ZMYM2: variants seen among roughly 807,000 people sequenced by gnomAD.
ZMYM2 encodes zinc finger MYM-type containing 2, also known as zinc finger MYM-type protein 2.
A neutral mutation model predicts 162.8 loss-of-function variants in ZMYM2; 56 were observed. That is an observed-to-expected ratio of 0.34 (90% confidence interval 0.28 to 0.43). ZMYM2 has a LOEUF of 0.43. Among genes scored for constraint, ZMYM2 ranks in the 20% least tolerant of loss-of-function variants. The pLI is 1.00. For missense variants in ZMYM2, 1,275 were observed against 1,621.8 expected, an observed-to-expected ratio of 0.79 and a Z score of 3.67; for synonymous variants, 510 against 541.6, an observed-to-expected ratio of 0.94 and a Z score of 0.81.
In ZMYM2 at chr13:20,086,554, A is replaced by G. The variant is rs1189988511; in HGVS notation, c.*540A>G. ...TTTACATTTTAGTTACTGAAGCCTTACAAGGTTATGTAGAGAGATACCATC... is the reference window on the plus strand; with the variant it reads ...TTTACATTTTAGTTACTGAAGCCTTGCAAGGTTATGTAGAGAGATACCATC... On this transcript the variant is annotated 3_prime_UTR_variant, in exon 25 of 25. Transcript: ENST00000610343. 4.8e-6 allele frequency: 1 copy of G among 208,810 alleles called. No homozygotes were observed. The highest frequency in any genetic ancestry group is 9.8e-6 in the Non-Finnish European group (1 of 102,278). 12.9% of individuals were successfully genotyped at this position (208,810 alleles called of 1,614,324 possible). A position where few individuals can be genotyped will look rare whatever the true frequency, so the allele number is the denominator to read the frequency against.
chr13:20,020,565 C>T (rs1951996828), intron 7 of ZMYM2, among the ~76,000 whole-genome samples: 1 of 152,028 alleles, frequency 6.6e-6, no homozygotes, highest in African/African-American at 2.4e-5. Flanking sequence ...TTTCCCAACT[C>T]TCTTCTTCTG....
the ZMYM2 span, among the ~76,000 whole-genome samples, chr13:19,919,271 A>C: frequency 6.6e-6 from 1 of 152,118 alleles, no homozygotes; most frequent in African/African-American, 2.4e-5. Context: ...TTTTGTTTCC[A>C]GCTTTTGGCT....
At chr13:20,008,614 G>T (rs962250308) in intron 6 of ZMYM2, among the ~76,000 whole-genome samples, 3 of 152,200 alleles carry the variant, frequency 2.0e-5, no homozygotes, top group African/African-American at 4.8e-5. Flanking sequence ...AGCCATCCTT[G>T]TATTCCTAGA....
chr13:20,059,079 A>G (rs1006441712), intron 15 of ZMYM2, among the ~76,000 whole-genome samples: 4 of 152,088 alleles, frequency 2.6e-5, no homozygotes, highest in Non-Finnish European at 5.9e-5. Flanking sequence ...AATTGTTCAA[A>G]TATGTATTTT....
intron 2 of ZMYM2, among the ~76,000 whole-genome samples, chr13:19,976,798 GTTGT>G (rs1956836709): frequency 6.6e-6 from 1 of 152,146 alleles, no homozygotes; most frequent in Non-Finnish European, 1.5e-5. Context: ...AGTTTATAGT[GTTGT>G]TTAAGCCCCT....
intron 18 of ZMYM2, 69 bp downstream of exon 18, chr13:20,063,040 T>G: frequency 6.1e-6 from 9 of 1,473,566 alleles, no homozygotes; most frequent in Non-Finnish European, 8.2e-6. Flanking sequence ...ATTTACCATT[T>G]GATGTTTGTG....
chr13:19,931,138 C>CAAAAAA, the ZMYM2 span, among the ~76,000 whole-genome samples: 3 of 127,546 alleles, frequency 2.4e-5, no homozygotes, highest in African/African-American at 3.3e-5. Flanking sequence ...GACTCTCTCT[C>CAAAAAA]AAAAAAAAAA....
the ZMYM2 span, among the ~76,000 whole-genome samples, chr13:19,868,787 G>T: frequency 3.3e-5 from 5 of 152,112 alleles, no homozygotes; most frequent in Non-Finnish European, 7.4e-5. Context: ...ATCTTATTCT[G>T]TTGCCCAGGC....
intron 21 of ZMYM2, among the ~76,000 whole-genome samples, chr13:20,081,372 C>T (rs1957896317): frequency 6.6e-6 from 1 of 152,050 alleles, no homozygotes; most frequent in African/African-American, 2.4e-5. Context: ...CTCTTTAAGC[C>T]CCACTAATGT....
chr13:19,942,203 T>C, the ZMYM2 span, among the ~76,000 whole-genome samples: 1 of 152,118 alleles, frequency 6.6e-6, no homozygotes, highest in African/African-American at 2.4e-5. Context: ...CTTTATGGTC[T>C]AGAAAGTTAC....
the ZMYM2 span, among the ~76,000 whole-genome samples, chr13:19,905,612 C>T: frequency 6.6e-6 from 1 of 152,152 alleles, no homozygotes; most frequent in Non-Finnish European, 1.5e-5. Flanking sequence ...TCTCACTAGC[C>T]AACCCTAAAC....
rs781695873 is a variant in ZMYM2, at chr13:20,064,472, A to T, written c.3059A>T (p.Glu1020Val). 20 of 1,599,724 alleles carry T rather than the reference A, an allele frequency of 1.3e-5. No individual in the cohort carries two copies. The highest frequency in any genetic ancestry group is 1.7e-5 in the Non-Finnish European group (20 of 1,172,956). ...FPRAAEELDM[E>V]NEFLLPPVFG... The stretch of plus-strand genomic sequence containing the variant: ...TCAGCTGCTGAGGAGCTTGATATGG[A>T]AAATGAATTTTTATTACCACCTGTT... The change falls in exon 19 of 25, where the codon GAA becomes GTA. Residue 1020 changes from glutamate to valine, a missense_variant. Physicochemically the swap from Glu to Val is moderately radical, Grantham distance 121. Coordinates refer to ENST00000610343, the MANE Select transcript of ZMYM2 (RefSeq NM_197968.4).
intron 21 of ZMYM2, among the ~76,000 whole-genome samples, chr13:20,077,991 G>C (rs914605209): frequency 6.6e-6 from 1 of 151,866 alleles, no homozygotes; most frequent in Non-Finnish European, 1.5e-5. Context: ...CTAATTTTTT[G>C]TATTTTTAGT....
chr13:19,993,734 A>G lies in ZMYM2; in HGVS notation c.662A>G (p.Gln221Arg). The G allele has an allele frequency of 6.2e-7, 1 of 1,614,086 alleles. No individual in the cohort carries two copies. Among genetic ancestry groups the G allele is most frequent in the Non-Finnish European group, 8.5e-7 (1 of 1,179,928 alleles). The stretch of plus-strand genomic sequence containing the variant: ...ATGATTACACATGTAACATCACTGC[A>G]GAATACCAACTTGGGAGATGTCTCT... ...NLMITHVTSL[Q>R]NTNLGDVSNG... Residue 221 changes from glutamine to arginine, a missense_variant, in exon 3 of 25, where the codon CAG (glutamine) becomes CGG (arginine). Physicochemically the swap from Gln to Arg is conservative, Grantham distance 43. Around this residue, in one of 10 missense-constraint regions of ZMYM2, gnomAD observed 295 missense variants for 286.7 expected, o/e 1.03. Transcript: ENST00000610343.
At chr13:20,081,644 GA>G (rs531493980) in intron 21 of ZMYM2, among the ~76,000 whole-genome samples, 16 of 150,268 alleles carry the variant, frequency 1.1e-4, no homozygotes, top group African/African-American at 3.4e-4. Flanking sequence ...TACTTTATAA[GA>G]AAAAAAACTA....
Position 20,061,789 on chromosome 13 carries a change from A to G in ZMYM2, c.2911+565A>G, listed in dbSNP as rs578256278. ...TTTTTAGTAGAGACAGGGCTTCCCTATGTTGGCCAGGCTGATCTCAAACTC... is the reference window on the plus strand; with the variant it reads ...TTTTTAGTAGAGACAGGGCTTCCCTGTGTTGGCCAGGCTGATCTCAAACTC... On this transcript the variant is annotated intron_variant, in intron 17 of 24. Coordinates refer to ENST00000610343, the MANE Select transcript of ZMYM2 (RefSeq NM_197968.4). Among the ~76,000 whole-genome samples the G allele has an allele frequency of 5.9e-5, 9 of 152,122 alleles. No homozygotes were observed. In the South Asian group the frequency reaches 1.7e-3, roughly 28 times the overall value.
intron 21 of ZMYM2, among the ~76,000 whole-genome samples, chr13:20,072,800 AATG>A (rs958019676): frequency 6.6e-6 from 1 of 152,144 alleles, no homozygotes; most frequent in African/African-American, 2.4e-5. Context: ...TCTTTCAAGA[AATG>A]ATGCATTTCA....
chr13:19,884,668 T>C, the ZMYM2 span, among the ~76,000 whole-genome samples: 13 of 152,226 alleles, frequency 8.5e-5, no homozygotes, highest in South Asian at 2.7e-3. Flanking sequence ...GCCATAGTTC[T>C]TAAAAGTAGC....
Position 20,026,644 on chromosome 13 carries a change from C to T in ZMYM2, c.1617C>T (p.Cys539=). The change falls in exon 8 of 25, where the codon TGC becomes TGT. Residue 539 remains cysteine, a synonymous_variant. Transcript: ENST00000610343. The stretch of plus-strand genomic sequence containing the variant: ...GAAAACTGACAACTTGTACTGGTTG[C>T]CGAACACAGTGCAGGTTTTTTGATA... ...KYGKLTTCTG[C]RTQCRFFDMT... The T allele has an allele frequency of 6.2e-7, 1 of 1,606,680 alleles. No individual in the cohort carries two copies. Among genetic ancestry groups the T allele is most frequent in the South Asian group, 1.1e-5 (1 of 88,896 alleles).
Sources: gnomAD v4.1 joint callset for allele counts (sites outside exome capture counted in the v4.1 genomes callset) on GRCh38, gnomAD v4.1.1 for gene constraint, gnomAD v4.1.1 regional missense constraint, MANE v1.5 for transcripts, NCBI Gene and HGNC (gene_info 2026-07-23, HGNC 2026-07-21) for gene names.